Variants in MUC17 observed in about 807,000 individuals in gnomAD.
The protein encoded by MUC17 is mucin-17.
MUC17 carries 190 observed loss-of-function variants against 170.3 expected under a neutral mutation model. That is an observed-to-expected ratio of 1.12 (90% confidence interval 0.99 to 1.26). MUC17 has a LOEUF of 1.26. MUC17 is among the 50% of genes most tolerant of loss of function. The pLI, the probability that MUC17 is intolerant of heterozygous loss-of-function variation, is 0.00. For synonymous variants in MUC17, 2,325 were observed against 2,002.5 expected (o/e 1.16, Z -4.30); for missense variants, 6,415 against 5,530.0 (o/e 1.16, Z -5.08).
At chr7:101,051,734 G>T in intron 8 of MUC17, 53 bp downstream of exon 8, 1 of 1,606,352 alleles carries the variant, frequency 6.2e-7, no homozygotes, top group Non-Finnish European at 8.5e-7. Flanking sequence ...GGGGAGCCCA[G>T]GAGGAGTGGG....
In MUC17 at chr7:101,053,401, G is replaced by A. The variant is rs766414896; in HGVS notation, c.13328G>A (p.Gly4443Glu). 6 of 1,613,926 alleles carry A rather than the reference G, an allele frequency of 3.7e-6. No individual in the cohort carries two copies. The South Asian group carries it at 4.4e-5, about 12-fold the overall frequency. Residue 4443 changes from glycine to glutamate, a missense_variant, in exon 11 of 13, where the codon GGG (glycine) becomes GAG (glutamate). Coordinates refer to ENST00000306151, the MANE Select transcript of MUC17 (RefSeq NM_001040105.2). ...GAAGAGGACAGTGGACCAGCTCCTGGGACCTTCCAAAACATTGGCTTTGAC... is the reference window on the plus strand; with the variant it reads ...GAAGAGGACAGTGGACCAGCTCCTGAGACCTTCCAAAACATTGGCTTTGAC... The part of the protein sequence containing the change: ...WQEEDSGPAP[G>E]TFQNIGFDIC...
At chr7:101,047,496 T>A (rs866487625) in intron 3 of MUC17, among the ~76,000 whole-genome samples, 15 of 152,164 alleles carry the variant, frequency 9.9e-5, no homozygotes, top group African/African-American at 3.1e-4. Context: ...TAATAGTAAC[T>A]GTCCTGTGCA....
rs748836423 is a variant in MUC17 at position 101,035,243 on chromosome 7, G to A, written c.3827G>A (p.Gly1276Glu). Residue 1276 changes from glycine (G) to glutamate (E), a missense_variant, in exon 3 of 13, where the codon GGA becomes GAA. Coordinates refer to ENST00000306151, the MANE Select transcript of MUC17 (RefSeq NM_001040105.2). Reference sequence around the variant, plus strand: ...TTGCCAACCTCAACTACTAGTGAAGGAAGTACTCTATTAACAAGTATACCT... The same window carrying A: ...TTGCCAACCTCAACTACTAGTGAAGAAAGTACTCTATTAACAAGTATACCT... Reference protein sequence around the residue: ...TSLPTSTTSEGSTLLTSIPVS... With the variant: ...TSLPTSTTSEESTLLTSIPVS... 1.9e-6 allele frequency: 3 copies of A among 1,609,282 alleles called. No individual in the cohort carries two copies. The highest frequency in any genetic ancestry group is 1.7e-5 in the Admixed American group (1 of 59,826).
In MUC17 at chr7:101,032,196, T is replaced by A. The variant is rs1368019397; in HGVS notation, c.780T>A (p.Ala260=). 2 of 1,614,080 alleles carry A rather than the reference T, an allele frequency of 1.2e-6. No homozygotes were observed. The change falls in exon 3 of 13, where the codon GCT becomes GCA. Residue 260 remains alanine, a synonymous_variant. Transcript: ENST00000306151. Reference sequence around the variant, plus strand: ...AAGCCAGTTCATCTCCTACAACTGCTGAAGGTCCCAGCCTGTCAAACTCAG... The same window carrying A: ...AAGCCAGTTCATCTCCTACAACTGCAGAAGGTCCCAGCCTGTCAAACTCAG... ...SAQASSSPTT[A]EGPSLSNSAP... is the part of the protein sequence containing the mutation.
At position 101,034,252 on chromosome 7, in the gene MUC17, G is replaced by T. The variant is rs878995283; in HGVS notation, c.2836G>T (p.Ala946Ser). ...VVSSEARTLS[A>S]TPVDTSTPVT... is the part of the protein sequence containing the mutation. ...CAGTTCTGAGGCTAGAACACTTTCAGCAACTCCTGTTGACACCAGCACACC... is the reference window on the plus strand; with the variant it reads ...CAGTTCTGAGGCTAGAACACTTTCATCAACTCCTGTTGACACCAGCACACC... The change falls in exon 3 of 13, where the codon GCA (alanine) becomes TCA (serine). Residue 946 changes from alanine (A) to serine (S), a missense_variant. Coordinates refer to ENST00000306151, the MANE Select transcript of MUC17 (RefSeq NM_001040105.2). 2 of 1,592,460 alleles carry T rather than the reference G, an allele frequency of 1.3e-6. No individual in the cohort carries two copies. The highest frequency in any genetic ancestry group is 8.5e-7 in the Non-Finnish European group (1 of 1,169,980).
intron 3 of MUC17, among the ~76,000 whole-genome samples, chr7:101,046,641 G>A (rs944393946): frequency 2.1e-4 from 32 of 152,210 alleles, no homozygotes; most frequent in African/African-American, 7.2e-4. Flanking sequence ...AGCCAGGCAT[G>A]GTGATTCATG....
Position 101,042,693 on chromosome 7 carries a change from T to G in MUC17, c.11277T>G (p.Leu3759=). ...MEISTLGTTI[L]VSTTPVTRFP... The stretch of plus-strand genomic sequence containing the variant: ...TAAGCACCCTTGGGACCACTATTCT[T>G]GTCAGTACCACACCTGTTACGAGGT... The change falls in exon 3 of 13, where the codon CTT becomes CTG. Residue 3759 remains leucine, a synonymous_variant. Coordinates refer to ENST00000306151, the MANE Select transcript of MUC17 (RefSeq NM_001040105.2). 6.2e-7 allele frequency: 1 copy of G among 1,613,878 alleles called. No homozygotes were observed.
Position 101,042,083 on chromosome 7 carries a change from C to T in MUC17, c.10667C>T (p.Ser3556Leu), listed in dbSNP as rs1246455557. The T allele has an allele frequency of 2.5e-6, 4 of 1,614,138 alleles. No homozygotes were observed. The highest frequency in any genetic ancestry group is 2.7e-5 in the African/African-American group (2 of 75,036). The change falls in exon 3 of 13, where the codon TCA (serine) becomes TTA (leucine). Residue 3556 changes from serine (S) to leucine (L), a missense_variant. Transcript: ENST00000306151. ...TFVTSSSQAS[S>L]SPATLQVTTM... ...GTTACCAGTTCTAGTCAAGCCAGTT[C>T]ATCTCCAGCAACTCTTCAGGTCACC...
intron 1 of MUC17, among the ~76,000 whole-genome samples, chr7:101,025,763 C>T (rs1794169032): frequency 1.3e-5 from 2 of 149,900 alleles, no homozygotes; most frequent in African/African-American, 4.9e-5. Flanking sequence ...CACTGCGCTC[C>T]AGCCTGGGTG....
Position 101,041,952 on chromosome 7 carries a change from T to C in MUC17, c.10536T>C (p.Ala3512=). The C allele has an allele frequency of 8.7e-6, 14 of 1,613,126 alleles. No homozygotes were observed. Among genetic ancestry groups the C allele is most frequent in the Non-Finnish European group, 1.2e-5 (14 of 1,179,806 alleles). ...TTACCAGCATGCCAACATCAACTGCTGGTGAAGGAAGCACTCCATTAACAA... is the reference window on the plus strand; with the variant it reads ...TTACCAGCATGCCAACATCAACTGCCGGTGAAGGAAGCACTCCATTAACAA... ...AEVTSMPTST[A]GEGSTPLTNM... is the part of the protein sequence containing the mutation. Residue 3512 remains alanine, a synonymous_variant, in exon 3 of 13, where the codon GCT becomes GCC. Coordinates refer to ENST00000306151, the MANE Select transcript of MUC17 (RefSeq NM_001040105.2).
Position 101,043,760 on chromosome 7 carries a change from CGA to C in MUC17, c.12345_12346del (p.Asn4116TyrfsTer4), listed in dbSNP as rs778925419. On this transcript the variant is annotated frameshift_variant, in exon 3 of 13. Coordinates refer to ENST00000306151, the MANE Select transcript of MUC17 (RefSeq NM_001040105.2). LOFTEE classifies it high-confidence loss of function. ...ACGGTGACCACCACCGCTGTCCCCA[CGA>C]ATACTACAATTAAGAGCAACCCCAC... 1 of 1,614,092 alleles carries C rather than the reference CGA, an allele frequency of 6.2e-7. No individual in the cohort carries two copies. The highest frequency in any genetic ancestry group is 8.5e-7 in the Non-Finnish European group (1 of 1,180,000).
In MUC17 at chr7:101,039,032, C is replaced by T. The variant is rs1448262005; in HGVS notation, c.7616C>T (p.Pro2539Leu). The T allele has an allele frequency of 6.2e-7, 1 of 1,614,046 alleles. No individual in the cohort carries two copies. The highest frequency in any genetic ancestry group is 1.1e-5 in the South Asian group (1 of 91,064). ...SPEASTLSTT[P>L]VDSNSPVVTS... ...GAGGCTAGCACCCTTTCAACAACTC[C>T]TGTTGACTCCAACAGTCCTGTGGTC... is the stretch of plus-strand genomic sequence containing the variant. Residue 2539 changes from proline to leucine, a missense_variant, in exon 3 of 13, where the codon CCT (proline) becomes CTT (leucine). Transcript: ENST00000306151.
At chr7:101,048,428 AT>A (rs376783365) in intron 4 of MUC17, among the ~76,000 whole-genome samples, 13 of 149,510 alleles carry the variant, frequency 8.7e-5, no homozygotes, top group Admixed American at 1.3e-4. Flanking sequence ...TAATTTATTT[AT>A]TTAAAAAAAA....
At position 101,035,682 on chromosome 7, in the gene MUC17, C is replaced by T. The variant is rs778947338; in HGVS notation, c.4266C>T (p.Asp1422=). The T allele has an allele frequency of 6.2e-7, 1 of 1,608,050 alleles. No individual in the cohort carries two copies. The highest frequency in any genetic ancestry group is 8.5e-7 in the Non-Finnish European group (1 of 1,176,518). The change falls in exon 3 of 13, where the codon GAC becomes GAT. Residue 1422 remains aspartate (D), a synonymous_variant. Transcript: ENST00000306151. Reference sequence around the variant, plus strand: ...GCACCCTTTCAGCAACTCCTGTTGACACCAGCACCCCTGGGACCACTTCTG... The same window carrying T: ...GCACCCTTTCAGCAACTCCTGTTGATACCAGCACCCCTGGGACCACTTCTG... ...EASTLSATPV[D]TSTPGTTSAE... is the part of the protein sequence containing the mutation.
intron 9 of MUC17, 97 bp from the exon 10 acceptor site, chr7:101,052,889 C>A: frequency 7.0e-7 from 1 of 1,434,550 alleles, no homozygotes; most frequent in Non-Finnish European, 9.4e-7. Flanking sequence ...CTCTTCTTGC[C>A]TCCTCTTCAT....
chr7:101,043,247 C>A lies in MUC17; in HGVS notation c.11831C>A (p.Thr3944Asn). ...GGGACAACCATTTTTATTCCCAGCA[C>A]TCCTGTCACCAGTTCTACTGCTGAT... ...TPGTTIFIPS[T>N]PVTSSTADVF... Residue 3944 changes from threonine to asparagine, a missense_variant, in exon 3 of 13, where the codon ACT becomes AAT. Thr to Asn is a moderately conservative substitution (Grantham distance 65). Coordinates refer to ENST00000306151, the MANE Select transcript of MUC17 (RefSeq NM_001040105.2). 1 of 1,614,192 alleles carries A rather than the reference C, an allele frequency of 6.2e-7. No individual in the cohort carries two copies. Among genetic ancestry groups the A allele is most frequent in the East Asian group, 2.2e-5 (1 of 44,886 alleles).
In MUC17 at chr7:101,039,302, G is replaced by C; in HGVS notation, c.7886G>C (p.Ser2629Thr). 2 of 1,612,968 alleles carry C rather than the reference G, an allele frequency of 1.2e-6. No homozygotes were observed. Among genetic ancestry groups the C allele is most frequent in the Non-Finnish European group, 1.7e-6 (2 of 1,179,652 alleles). ...KDTSMPISTP[S>T]EVSTSLTSIL... ...ACCAGCATGCCAATCTCAACTCCTA[G>C]TGAAGTAAGTACTTCATTAACAAGT... The change falls in exon 3 of 13, where the codon AGT becomes ACT. Residue 2629 changes from serine to threonine, a missense_variant. Coordinates refer to ENST00000306151, the MANE Select transcript of MUC17 (RefSeq NM_001040105.2).
chr7:101,055,546 C>A (rs950897125), intron 11 of MUC17, among the ~76,000 whole-genome samples: 1 of 151,960 alleles, frequency 6.6e-6, no homozygotes, highest in Non-Finnish European at 1.5e-5. Context: ...GACAAAGCTG[C>A]AAGAAAAAAA....
intron 11 of MUC17, among the ~76,000 whole-genome samples, chr7:101,055,358 A>G (rs1187193366): frequency 2.0e-5 from 3 of 152,214 alleles, no homozygotes; most frequent in Non-Finnish European, 4.4e-5. Flanking sequence ...GGGTAATACT[A>G]AACAAAGTGT....
Sources: allele counts gnomAD v4.1 joint callset (sites outside exome capture counted in the v4.1 genomes callset), GRCh38; gene constraint gnomAD v4.1.1; transcripts MANE v1.5; gene names NCBI Gene and HGNC (gene_info 2026-07-23, HGNC 2026-07-21).